Variants in PLEKHO2 observed in about 807,000 individuals in gnomAD.
PLEKHO2 encodes pleckstrin homology domain-containing family O member 2.
PLEKHO2 carries 20 observed loss-of-function variants against 32.7 expected under a neutral mutation model. The ratio of observed to expected loss-of-function variants is 0.61; its 90% CI spans 0.43 to 0.89. PLEKHO2 has a LOEUF of 0.89. PLEKHO2 is among the 40% of genes least tolerant of loss of function. PLEKHO2 has a pLI of 0.00. For synonymous variants in PLEKHO2, 247 were observed against 246.3 expected (o/e 1.00, Z -0.03); for missense variants, 568 against 621.2 (o/e 0.91, Z 0.91).
chr15:64,856,801 GTTGGT>G (rs1171663938), intron 3 of PLEKHO2, among the ~76,000 whole-genome samples: 3 of 152,180 alleles, frequency 2.0e-5, no homozygotes, highest in Admixed American at 6.5e-5. Flanking sequence ...CCAGAGGTCA[GTTGGT>G]GGACCTGGCC....
chr15:64,859,689 A>G (rs547393598), intron 3 of PLEKHO2, among the ~76,000 whole-genome samples: 10 of 152,260 alleles, frequency 6.6e-5, no homozygotes, highest in Non-Finnish European at 1.0e-4. Context: ...GCTGATTCGA[A>G]TCTAGACCCA....
In PLEKHO2 at chr15:64,860,255, G is replaced by C. The variant is rs115097203; in HGVS notation, c.384+257G>C. On this transcript the variant is annotated intron_variant, in intron 4 of 5. Transcript: ENST00000323544. Reference sequence around the variant, plus strand: ...CTGGAAAGCAGATAAGTGGTGGGCTGGAACTAGACTGGTGGCAGCATGCAT... The same window carrying C: ...CTGGAAAGCAGATAAGTGGTGGGCTCGAACTAGACTGGTGGCAGCATGCAT... 9.9e-3 allele frequency among the ~76,000 whole-genome samples: 1,507 copies of C among 152,382 alleles called. 34 individuals carry two copies. Among genetic ancestry groups the C allele is most frequent in the African/African-American group, 0.035 (1,445 of 41,598 alleles).
chr15:64,845,823 G>A (rs2084517824), intron 1 of PLEKHO2, among the ~76,000 whole-genome samples: 1 of 152,202 alleles, frequency 6.6e-6, no homozygotes, highest in African/African-American at 2.4e-5. Context: ...GAGAGGTCAT[G>A]AGTGGAGAGA....
At chr15:64,852,421 C>T (rs112011582) in intron 2 of PLEKHO2, among the ~76,000 whole-genome samples, 1 of 152,180 alleles carries the variant, frequency 6.6e-6, no homozygotes, top group Non-Finnish European at 1.5e-5. Context: ...CATCTCTTCC[C>T]CTTTCTCTGA....
intron 3 of PLEKHO2, among the ~76,000 whole-genome samples, chr15:64,858,662 A>C (rs988938985): frequency 1.3e-5 from 2 of 152,208 alleles, no homozygotes; most frequent in African/African-American, 4.8e-5. Flanking sequence ...TTTTGTCCAG[A>C]GGGAAGGCAA....
chr15:64,854,447 T>C (rs1229981835), intron 2 of PLEKHO2, among the ~76,000 whole-genome samples: 1 of 152,176 alleles, frequency 6.6e-6, no homozygotes. Context: ...AGGCAGGGCA[T>C]GTAGCCCCAA....
At chr15:64,854,886 T>A in intron 2 of PLEKHO2, 35 bp from the exon 3 acceptor site, 1 of 1,552,860 alleles carries the variant, frequency 6.4e-7, no homozygotes, top group Non-Finnish European at 8.9e-7. Context: ...GGTCTGACTG[T>A]CACCAGCTCA....
intron 5 of PLEKHO2, among the ~76,000 whole-genome samples, chr15:64,862,764 C>A (rs545880829): frequency 6.6e-6 from 1 of 152,180 alleles, no homozygotes; most frequent in South Asian, 2.1e-4. Flanking sequence ...TTTTCTTTTT[C>A]TTTTCTTTCT....
In PLEKHO2 at chr15:64,861,744, T is replaced by C. The variant is rs767360014; in HGVS notation, c.483+169T>C. Among the ~76,000 whole-genome samples, 81 of 152,086 alleles carry C rather than the reference T, an allele frequency of 5.3e-4. 1 individual carries two copies. The highest frequency in any genetic ancestry group is 8.5e-4 in the Non-Finnish European group (58 of 68,004). On this transcript the variant is annotated intron_variant, in intron 5 of 5. Transcript: ENST00000323544. ...GCACCTGTGTTACACGTGCTCAGGG[T>C]ATGGATGTCCTTGAGCCTGTAGCCT...
intron 1 of PLEKHO2, among the ~76,000 whole-genome samples, chr15:64,847,108 C>T (rs1423504745): frequency 6.6e-6 from 1 of 152,140 alleles, no homozygotes; most frequent in Non-Finnish European, 1.5e-5. Flanking sequence ...GCTTCTAAGC[C>T]CAGATTCCCC....
At position 64,865,667 on chromosome 15, in the gene PLEKHO2, G is replaced by T. The variant is rs147772719; in HGVS notation, c.1252G>T (p.Val418Leu). 68 of 1,614,128 alleles carry T rather than the reference G, an allele frequency of 4.2e-5. No homozygotes were observed. Among genetic ancestry groups the T allele is most frequent in the Non-Finnish European group, 5.6e-5 (66 of 1,180,036 alleles). ...RLYRAQLEVK[V>L]ASEQTEKLLN... ...ATATCGGGCCCAGCTGGAGGTGAAG[G>T]TGGCCTCGGAACAGACGGAGAAACT... The change falls in exon 6 of 6, where the codon GTG becomes TTG. Residue 418 changes from valine (V) to leucine (L), a missense_variant. Physicochemically the swap from Val to Leu is conservative, Grantham distance 32. Coordinates refer to ENST00000323544, the MANE Select transcript of PLEKHO2 (RefSeq NM_025201.5).
Position 64,855,031 on chromosome 15 carries a change from G to T in PLEKHO2, c.273G>T (p.Gly91=). 1 of 1,581,240 alleles carries T rather than the reference G, an allele frequency of 6.3e-7. No individual in the cohort carries two copies. Among genetic ancestry groups the T allele is most frequent in the South Asian group, 1.2e-5 (1 of 86,676 alleles). Residue 91 remains glycine, a synonymous_variant, in exon 3 of 6, where the codon GGG becomes GGT. Coordinates refer to ENST00000323544, the MANE Select transcript of PLEKHO2 (RefSeq NM_025201.5). ...GCTTTATCCTGCTGCGATCCCCAGGGAACAAGGTAGGGCGATGCCTGCTGC... is the reference window on the plus strand; with the variant it reads ...GCTTTATCCTGCTGCGATCCCCAGGTAACAAGGTAGGGCGATGCCTGCTGC... ...KHRFILLRSP[G]NKVSDIKFQA...
chr15:64,866,090 G>GCAGTAGCCCTGGGT lies in PLEKHO2; in HGVS notation c.*202_*203insCAGTAGCCCTGGGT. On this transcript the variant is annotated 3_prime_UTR_variant, in exon 6 of 6. Transcript: ENST00000323544. ...GCCAGTGGTGCCAGGTGCCACCCAG[G>GCAGTAGCCCTGGGT]GCTACTGCCTGGCTATCTGGCCTGG... is the stretch of plus-strand genomic sequence containing the variant. 1.4e-6 allele frequency: 1 copy of GCAGTAGCCCTGGGT among 699,010 alleles called. No individual in the cohort carries two copies. The highest frequency in any genetic ancestry group is 2.3e-6 in the Non-Finnish European group (1 of 428,414). The allele number at this position is 699,010 out of a possible 1,614,324, so 43.3% of individuals were successfully genotyped here. A position where few individuals can be genotyped will look rare whatever the true frequency, so the allele number is the denominator to read the frequency against.
intron 2 of PLEKHO2, among the ~76,000 whole-genome samples, chr15:64,852,449 C>T (rs2084575876): frequency 6.6e-6 from 1 of 152,280 alleles, no homozygotes; most frequent in South Asian, 2.1e-4. Flanking sequence ...ACGAGAGAGT[C>T]GATTAGTAGT....
chr15:64,857,777 T>C (rs1158801872), intron 3 of PLEKHO2, among the ~76,000 whole-genome samples: 6 of 152,204 alleles, frequency 3.9e-5, no homozygotes, highest in African/African-American at 1.4e-4. Context: ...TCAGGTGGGC[T>C]GGGCCAGTGG....
chr15:64,848,197 A>C (rs546915607), intron 1 of PLEKHO2, among the ~76,000 whole-genome samples: 10 of 152,344 alleles, frequency 6.6e-5, no homozygotes, highest in Admixed American at 2.0e-4. Context: ...TGGAGTGGGA[A>C]AAACGTGGGG....
rs1303073679 is a variant in PLEKHO2, at chr15:64,855,016, G to A, written c.258G>A (p.Leu86=). The change falls in exon 3 of 6, where the codon CTG becomes CTA. Residue 86 remains leucine, a synonymous_variant. Coordinates refer to ENST00000323544, the MANE Select transcript of PLEKHO2 (RefSeq NM_025201.5). ...TCAAGCGAAAACACCGCTTTATCCT[G>A]CTGCGATCCCCAGGGAACAAGGTAG... ...ALLKRKHRFI[L]LRSPGNKVSD... The A allele has an allele frequency of 6.3e-7, 1 of 1,590,186 alleles. No homozygotes were observed. Among genetic ancestry groups the A allele is most frequent in the Non-Finnish European group, 8.6e-7 (1 of 1,167,642 alleles).
At chr15:64,852,985 A>T (rs2084579193) in intron 2 of PLEKHO2, among the ~76,000 whole-genome samples, 2 of 151,564 alleles carry the variant, frequency 1.3e-5, no homozygotes, top group South Asian at 4.2e-4. Context: ...ATGTCTCTAC[A>T]AAAATTAGCC....
chr15:64,847,679 G>A (rs2084532863), intron 1 of PLEKHO2, among the ~76,000 whole-genome samples: 1 of 152,184 alleles, frequency 6.6e-6, no homozygotes, highest in South Asian at 2.1e-4. Flanking sequence ...CTGGCCCCAA[G>A]GCTCCAGGGT....
Sources: gnomAD v4.1 joint callset for allele counts (sites outside exome capture counted in the v4.1 genomes callset) on GRCh38, gnomAD v4.1.1 for gene constraint, MANE v1.5 for transcripts, NCBI Gene and HGNC (gene_info 2026-07-23, HGNC 2026-07-21) for gene names.